CADPS: variants seen among roughly 807,000 people sequenced by gnomAD.
CADPS encodes calcium-dependent secretion activator 1.
A neutral mutation model predicts 167.3 loss-of-function variants in CADPS; 57 were observed. The observed-to-expected ratio is 0.34, with a 90% CI of 0.28 to 0.42. The LOEUF is 0.42. CADPS is among the 20% of genes least tolerant of loss of function. CADPS has a pLI of 1.00. For synonymous variants in CADPS, 676 were observed against 635.3 expected, an observed-to-expected ratio of 1.06 and a Z score of -0.96; for missense variants, 1,414 against 1,738.1, an observed-to-expected ratio of 0.81 and a Z score of 3.32.
chr3:62,715,857 T>C (rs371198980), intron 3 of CADPS, among the ~76,000 whole-genome samples: 14 of 21,528 alleles, frequency 6.5e-4, no homozygotes, highest in Middle Eastern at 0.018. Context: ...CCCGGGTTCA[T>C]GCCTCAGCCT....
rs1049590559 is a variant in CADPS at position 62,715,533 on chromosome 3, A to G, written c.888+37908T>C. Among the ~76,000 whole-genome samples, 35 of 151,084 alleles carry G rather than the reference A, an allele frequency of 2.3e-4. 1 individual carries two copies. The highest frequency in any genetic ancestry group is 1.9e-3 in the Admixed American group (29 of 15,162). ...CATGAACCTTAGAAAACATTGCCAC[A>G]TATTAACATATGCACATTAAATATC... is the stretch of plus-strand genomic sequence containing the variant. On this transcript the variant is annotated intron_variant, in intron 3 of 29. Transcript: ENST00000383710.
intron 26 of CADPS, among the ~76,000 whole-genome samples, chr3:62,461,751 C>G (rs2150307129): frequency 6.6e-6 from 1 of 152,292 alleles, no homozygotes; most frequent in African/African-American, 2.4e-5. Context: ...AGTAATATCA[C>G]CTCCCCGCTT....
intron 8 of CADPS, among the ~76,000 whole-genome samples, chr3:62,577,389 C>A (rs542537663): frequency 3.7e-4 from 57 of 152,168 alleles, no homozygotes; most frequent in African/African-American, 1.3e-3. Context: ...GTCAGAAATT[C>A]TTCATAAAAA....
intron 6 of CADPS, among the ~76,000 whole-genome samples, chr3:62,610,478 T>C (rs901530355): frequency 1.3e-5 from 2 of 152,170 alleles, no homozygotes; most frequent in African/African-American, 2.4e-5. Context: ...GTTGAACTCC[T>C]GACCTCAAGT....
intron 11 of CADPS, among the ~76,000 whole-genome samples, chr3:62,540,251 C>T (rs1015299139): frequency 6.6e-6 from 1 of 151,596 alleles, no homozygotes; most frequent in African/African-American, 2.4e-5. Flanking sequence ...TCTTTTCTGC[C>T]CCTGTATAAC....
chr3:62,660,736 A>G (rs891074748), intron 4 of CADPS, among the ~76,000 whole-genome samples: 1 of 152,172 alleles, frequency 6.6e-6, no homozygotes, highest in African/African-American at 2.4e-5. Context: ...ATACAGTAGG[A>G]ATCATCAGGA....
intron 3 of CADPS, among the ~76,000 whole-genome samples, chr3:62,746,435 A>G (rs2081466830): frequency 6.6e-6 from 1 of 152,046 alleles, no homozygotes; most frequent in Non-Finnish European, 1.5e-5. Flanking sequence ...TCCTGGTCTC[A>G]AGCGATTCTC....
In CADPS at chr3:62,683,890, C is replaced by T. The variant is rs372905600; in HGVS notation, c.889-21496G>A. On this transcript the variant is annotated intron_variant, in intron 3 of 29. Transcript: ENST00000383710. ...GTTTGGGGGATGAAGACTACAGAAG[C>T]GAAGAGCCATTCTCAATATGTCATA... 7.2e-5 allele frequency among the ~76,000 whole-genome samples: 11 copies of T among 151,950 alleles called. No individual in the cohort carries two copies. The South Asian group carries it at 1.0e-3, about 14-fold the overall frequency.
rs138055445 is a variant in CADPS at position 62,576,788 on chromosome 3, TA to T, written c.1578-5851del. 1.7e-3 allele frequency among the ~76,000 whole-genome samples: 52 copies of T among 29,862 alleles called. 2 individuals carry two copies. The highest frequency in any genetic ancestry group is 5.6e-3 in the South Asian group (5 of 886). The allele number at this position is 29,862 out of a possible 152,430, so 19.6% of individuals were successfully genotyped here. A position where few individuals can be genotyped will look rare whatever the true frequency, so the allele number is the denominator to read the frequency against. ...CTGGGTGACAGAGCAAGACTCTGTC[TA>T]AAAAAAAAAAAAAAAAAAAAAAAAA... On this transcript the variant is annotated intron_variant, in intron 8 of 29. Transcript: ENST00000383710.
At chr3:62,710,310 C>G (rs1400718243) in intron 3 of CADPS, among the ~76,000 whole-genome samples, 1 of 151,878 alleles carries the variant, frequency 6.6e-6, no homozygotes, top group Non-Finnish European at 1.5e-5. Context: ...TAAACAAATA[C>G]TGATTCCTGG....
At chr3:62,513,557 T>G in intron 16 of CADPS, 4 of 893,184 alleles carry the variant, frequency 4.5e-6, no homozygotes, top group Non-Finnish European at 5.3e-6. Flanking sequence ...GGAGAGTGAG[T>G]TGGTTTGGAT....
chr3:62,463,761 G>A (rs1212206812), intron 26 of CADPS, among the ~76,000 whole-genome samples: 2 of 152,170 alleles, frequency 1.3e-5, no homozygotes, highest in African/African-American at 4.8e-5. Flanking sequence ...CACATTATAG[G>A]AATGTTCCAT....
rs554805068 is a variant in CADPS at position 62,498,027 on chromosome 3, C to G, written c.2706+1135G>C. 3 of 439,096 alleles carry G rather than the reference C, an allele frequency of 6.8e-6. No individual in the cohort carries two copies. The East Asian group carries it at 2.2e-4, about 32-fold the overall frequency. The allele number at this position is 439,096 out of a possible 1,614,324, so 27.2% of individuals were successfully genotyped here. A position where few individuals can be genotyped will look rare whatever the true frequency, so the allele number is the denominator to read the frequency against. On this transcript the variant is annotated intron_variant, in intron 18 of 29. Transcript: ENST00000383710. Reference sequence around the variant, plus strand: ...TCCACTGGAAGTTGCTGTTACATTCCTTGGGTCAGTGTTAGAAAGCAGGAG... The same window carrying G: ...TCCACTGGAAGTTGCTGTTACATTCGTTGGGTCAGTGTTAGAAAGCAGGAG...
At chr3:62,405,107 C>T (rs1470107862) in intron 28 of CADPS, among the ~76,000 whole-genome samples, 1 of 138,700 alleles carries the variant, frequency 7.2e-6, no homozygotes, top group Non-Finnish European at 1.5e-5. Context: ...TCAAATTCCA[C>T]ATTTACTGGT....
At chr3:62,684,801 AG>A (rs1037346574) in intron 3 of CADPS, among the ~76,000 whole-genome samples, 2 of 151,996 alleles carry the variant, frequency 1.3e-5, no homozygotes, top group African/African-American at 4.8e-5. Flanking sequence ...AATTAGGGAC[AG>A]GATACTTTAG....
intron 3 of CADPS, among the ~76,000 whole-genome samples, chr3:62,681,082 A>G (rs547871543): frequency 5.0e-4 from 76 of 151,946 alleles, no homozygotes; most frequent in Non-Finnish European, 9.6e-4. Context: ...CTTTGCTGAC[A>G]CAGTTTTCTT....
chr3:62,872,926 C>T (rs527458733), intron 1 of CADPS, among the ~76,000 whole-genome samples: 1 of 152,300 alleles, frequency 6.6e-6, no homozygotes, highest in East Asian at 1.9e-4. Flanking sequence ...AGTTCCTATG[C>T]TGTAAAGGCA....
chr3:62,427,502 C>T (rs1051804704), intron 28 of CADPS, among the ~76,000 whole-genome samples: 1 of 152,146 alleles, frequency 6.6e-6, no homozygotes, highest in Non-Finnish European at 1.5e-5. Flanking sequence ...TCATCCTTTA[C>T]TGTAGGGGCT....
In CADPS at chr3:62,639,333, G is replaced by A. The variant is rs139877295; in HGVS notation, c.1325+6389C>T. On this transcript the variant is annotated intron_variant, in intron 6 of 29. Transcript: ENST00000383710. The stretch of plus-strand genomic sequence containing the variant: ...AAGCTCCACGTTCTCGCTACATAAT[G>A]TCTCTACGTAAATATCTCCTGGACT... Among the ~76,000 whole-genome samples the A allele has an allele frequency of 5.8e-3, 886 of 152,274 alleles. 10 individuals carry two copies. Among genetic ancestry groups the A allele is most frequent in the Non-Finnish European group, 9.2e-3 (628 of 68,030 alleles).
Sources: gnomAD v4.1 joint callset for allele counts (sites outside exome capture counted in the v4.1 genomes callset) on GRCh38, gnomAD v4.1.1 for gene constraint, MANE v1.5 for transcripts, NCBI Gene and HGNC (gene_info 2026-07-23, HGNC 2026-07-21) for gene names.